DENND1B: variants seen among roughly 807,000 people sequenced by gnomAD.
The protein encoded by DENND1B is DENN domain containing 1B.
In DENND1B, 59 loss-of-function variants were observed where a neutral mutation model predicts 90.1. The observed-to-expected ratio is 0.65, with a 90% CI of 0.53 to 0.81. DENND1B has a LOEUF of 0.81. DENND1B is among the 40% of genes least tolerant of loss of function. The pLI is 0.00. For missense variants in DENND1B, 862 were observed against 912.6 expected, an observed-to-expected ratio of 0.94 and a Z score of 0.71; for synonymous variants, 337 against 324.6, an observed-to-expected ratio of 1.04 and a Z score of -0.41.
intron 2 of DENND1B, among the ~76,000 whole-genome samples, chr1:197,764,302 T>C (rs1296376225): frequency 1.3e-5 from 2 of 152,184 alleles, no homozygotes; most frequent in Admixed American, 1.3e-4. Flanking sequence ...ATGGAAGATG[T>C]AGGCTCTTGG....
intron 10 of DENND1B, among the ~76,000 whole-genome samples, chr1:197,633,837 T>C (rs1679547177): frequency 6.6e-6 from 1 of 152,156 alleles, no homozygotes; most frequent in African/African-American, 2.4e-5. Flanking sequence ...TGTTAGTTTT[T>C]TAAGGGAGTT....
At chr1:197,626,784 A>G (rs1678784529) in intron 10 of DENND1B, among the ~76,000 whole-genome samples, 2 of 152,148 alleles carry the variant, frequency 1.3e-5, no homozygotes, top group African/African-American at 4.8e-5. Flanking sequence ...ACCGCTAGCA[A>G]GACTAATAAA....
At chr1:197,650,288 A>T (rs1652983673) in intron 7 of DENND1B, among the ~76,000 whole-genome samples, 1 of 152,226 alleles carries the variant, frequency 6.6e-6, no homozygotes, top group Non-Finnish European at 1.5e-5. Flanking sequence ...ACATGTAGGT[A>T]TCCCAAAATA....
chr1:197,618,619 T>A (rs1268243647), intron 10 of DENND1B, among the ~76,000 whole-genome samples: 1 of 151,222 alleles, frequency 6.6e-6, no homozygotes, highest in South Asian at 2.1e-4. Flanking sequence ...TTAATGTGAC[T>A]TTCTTTCCAT....
Position 197,544,937 on chromosome 1 carries a change from A to AG in DENND1B, c.1350+984dup, listed in dbSNP as rs1198080723. ...AAAAGAAGAAGAAAAGAGAAGAAGA[A>AG]GAAGGGAGAAGAGAGAAGGGAGAAG... On this transcript the variant is annotated intron_variant, in intron 18 of 22. Transcript: ENST00000620048. Among the ~76,000 whole-genome samples the AG allele has an allele frequency of 6.3e-4, 38 of 60,778 alleles. 9 individuals carry two copies. Among genetic ancestry groups the AG allele is most frequent in the Admixed American group, 1.5e-3 (8 of 5,262 alleles). The allele number at this position is 60,778 out of a possible 152,430, so 39.9% of individuals were successfully genotyped here.
intron 2 of DENND1B, among the ~76,000 whole-genome samples, chr1:197,722,322 T>C (rs187954507): frequency 1.2e-3 from 178 of 152,230 alleles, no homozygotes; most frequent in African/African-American, 4.1e-3. Context: ...CTGTATCCTG[T>C]GTCTGGAGCT....
Position 197,585,729 on chromosome 1 carries a change from G to A in DENND1B, c.1048-2476C>T, listed in dbSNP as rs547989000. Among the ~76,000 whole-genome samples the A allele has an allele frequency of 3.9e-5, 6 of 152,136 alleles. No individual in the cohort carries two copies. In the South Asian group the frequency reaches 8.3e-4, roughly 21 times the overall value. On this transcript the variant is annotated intron_variant, in intron 14 of 22. Coordinates refer to ENST00000620048, the MANE Select transcript of DENND1B (RefSeq NM_001195215.2). ...CTGACACATCAGAATTTTCTCTCAA[G>A]GAGAAAAATAAGTCTTTATTAATAA...
chr1:197,607,968 C>A (rs913340536), intron 12 of DENND1B, among the ~76,000 whole-genome samples: 2 of 150,400 alleles, frequency 1.3e-5, no homozygotes, highest in African/African-American at 4.9e-5. Context: ...TAATTTGTAA[C>A]AAATAGTATT....
At chr1:197,555,101 T>C (rs921744618) in intron 15 of DENND1B, among the ~76,000 whole-genome samples, 2 of 151,978 alleles carry the variant, frequency 1.3e-5, no homozygotes, top group Admixed American at 1.3e-4. Flanking sequence ...CTTTTCAATA[T>C]ATGTGCCAGG....
chr1:197,714,255 G>T (rs920297444), intron 3 of DENND1B, among the ~76,000 whole-genome samples: 7 of 151,682 alleles, frequency 4.6e-5, no homozygotes, highest in African/African-American at 1.7e-4. Context: ...TTACAGGCGT[G>T]AGCCACTGTA....
chr1:197,715,633 A>T (rs1306886118), intron 2 of DENND1B, among the ~76,000 whole-genome samples: 2 of 151,874 alleles, frequency 1.3e-5, no homozygotes, highest in East Asian at 3.8e-4. Flanking sequence ...GATATAAAGC[A>T]GTTCATTTAA....
intron 15 of DENND1B, among the ~76,000 whole-genome samples, chr1:197,559,675 T>C (rs12563879): frequency 6.6e-6 from 1 of 151,806 alleles, no homozygotes; most frequent in African/African-American, 2.4e-5. Flanking sequence ...TAATTTCTTA[T>C]GAATCTTTAA....
At chr1:197,723,353 G>A (rs1000069461) in intron 2 of DENND1B, among the ~76,000 whole-genome samples, 4 of 151,926 alleles carry the variant, frequency 2.6e-5, no homozygotes, top group East Asian at 3.9e-4. Flanking sequence ...TCTTTTCTTC[G>A]CACTCCTCTG....
intron 13 of DENND1B, among the ~76,000 whole-genome samples, chr1:197,596,960 C>T (rs1447762913): frequency 2.6e-5 from 4 of 151,698 alleles, no homozygotes; most frequent in East Asian, 1.9e-4. Flanking sequence ...ACCACAGTTT[C>T]GAAAAAATTA....
chr1:197,674,072 A>G, intron 4 of DENND1B, 48 bp downstream of exon 4: 1 of 1,264,882 alleles, frequency 7.9e-7, no homozygotes, highest in Non-Finnish European at 1.1e-6. Context: ...ATTTTCAAGT[A>G]TGTACTATAA....
intron 2 of DENND1B, among the ~76,000 whole-genome samples, chr1:197,721,954 A>ATTCC (rs1317906682): frequency 6.6e-5 from 10 of 152,168 alleles, no homozygotes; most frequent in African/African-American, 2.4e-4. Flanking sequence ...CACAAGATAT[A>ATTCC]CTGCCTATTA....
At chr1:197,653,501 A>T (rs1653467422) in intron 6 of DENND1B, among the ~76,000 whole-genome samples, 1 of 152,114 alleles carries the variant, frequency 6.6e-6, no homozygotes, top group Non-Finnish European at 1.5e-5. Context: ...AAGTAAGGAT[A>T]ACTTGAACTG....
At chr1:197,627,489 T>TA (rs1215465697) in intron 10 of DENND1B, among the ~76,000 whole-genome samples, 1 of 152,144 alleles carries the variant, frequency 6.6e-6, no homozygotes, top group Non-Finnish European at 1.5e-5. Flanking sequence ...CACTTCATGC[T>TA]AAAAACTCTC....
intron 18 of DENND1B, chr1:197,545,547 G>T (rs1193445371): frequency 3.6e-5 from 7 of 196,598 alleles, no homozygotes; most frequent in Non-Finnish European, 6.1e-5. Flanking sequence ...TGAGGGAAAA[G>T]ACCTCGCTAT....
Sources: gnomAD v4.1 joint callset for allele counts (sites outside exome capture counted in the v4.1 genomes callset) on GRCh38, gnomAD v4.1.1 for gene constraint, MANE v1.5 for transcripts, NCBI Gene and HGNC (gene_info 2026-07-23, HGNC 2026-07-21) for gene names.